Variants in RIN2 observed in about 807,000 individuals in gnomAD.
RIN2 encodes RAB5 interacting protein 2.
RIN2 carries 36 observed loss-of-function variants against 78.0 expected under a neutral mutation model. The ratio of observed to expected loss-of-function variants is 0.46; its 90% confidence interval spans 0.35 to 0.61. The LOEUF is 0.61. Among genes scored for constraint, RIN2 ranks in the 20% least tolerant of loss-of-function variants. The pLI, the probability that RIN2 is intolerant of heterozygous loss-of-function variation, is 0.00. For synonymous variants in RIN2, 466 were observed against 466.8 expected (o/e 1.00, Z 0.02); for missense variants, 1,087 against 1,159.7 (o/e 0.94, Z 0.91).
In RIN2 at chr20:19,847,373, T is replaced by A. The variant is rs1013513217; in HGVS notation, c.-36-42193T>A. Among the ~76,000 whole-genome samples, 4 of 152,198 alleles carry A rather than the reference T, an allele frequency of 2.6e-5. No individual in the cohort carries two copies. In the South Asian group the frequency reaches 6.2e-4, roughly 24 times the overall value. On this transcript the variant is annotated intron_variant, in intron 2 of 12. Coordinates refer to ENST00000255006, the MANE Select transcript of RIN2 (RefSeq NM_018993.4). ...CCTGAGATATGTTACTACTAAGTGT[T>A]GTAGGATTTCTCAGGGTGGTTTTGA...
chr20:19,972,348 G>C (rs1267339814), intron 8 of RIN2, among the ~76,000 whole-genome samples: 1 of 152,164 alleles, frequency 6.6e-6, no homozygotes, highest in South Asian at 2.1e-4. Flanking sequence ...TGGTCCACAG[G>C]CTTAGTGAGT....
intron 2 of RIN2, among the ~76,000 whole-genome samples, chr20:19,852,523 T>C (rs2037015076): frequency 6.6e-6 from 1 of 152,172 alleles, no homozygotes; most frequent in South Asian, 2.1e-4. Flanking sequence ...GAAGCATTGG[T>C]TGGGCGATCC....
At chr20:19,970,799 A>C (rs1388754406) in intron 7 of RIN2, 39 bp from the exon 8 acceptor site, 2 of 1,432,206 alleles carry the variant, frequency 1.4e-6, no homozygotes, top group African/African-American at 1.4e-5. Context: ...GAAAGCAGAC[A>C]TGTAATTACA....
intron 5 of RIN2, among the ~76,000 whole-genome samples, chr20:19,958,168 A>G (rs2041616378): frequency 6.6e-6 from 1 of 152,236 alleles, no homozygotes. Flanking sequence ...AGGTAGAACT[A>G]AGACGTCTGC....
At chr20:19,972,890 A>C (rs888252857) in intron 8 of RIN2, among the ~76,000 whole-genome samples, 2 of 152,246 alleles carry the variant, frequency 1.3e-5, no homozygotes, top group Non-Finnish European at 2.9e-5. Context: ...ACACAGGTTA[A>C]ATTGATTTTA....
chr20:19,865,512 T>C (rs12626054), intron 2 of RIN2, among the ~76,000 whole-genome samples: 39,401 of 129,324 alleles, frequency 0.3, 6,864 homozygotes, highest in African/African-American at 0.53. Flanking sequence ...TTGGCAACAG[T>C]GTCTTGCTCT....
chr20:19,788,603 A>G (rs984070850), intron 1 of RIN2, among the ~76,000 whole-genome samples: 2 of 66,914 alleles, frequency 3.0e-5, no homozygotes, highest in Non-Finnish European at 5.0e-5. Context: ...CTTTGTCTCG[A>G]AAAAAAAAAA....
chr20:19,973,942 T>G (rs1224475896), intron 8 of RIN2, among the ~76,000 whole-genome samples: 4 of 152,230 alleles, frequency 2.6e-5, no homozygotes, highest in African/African-American at 9.6e-5. Flanking sequence ...TCTGCACTAC[T>G]TCGCAGAGCA....
chr20:19,808,274 C>A (rs2035471489), intron 2 of RIN2, among the ~76,000 whole-genome samples: 1 of 152,234 alleles, frequency 6.6e-6, no homozygotes, highest in Non-Finnish European at 1.5e-5. Context: ...CAGGCCGCCC[C>A]TCTCCTCCCT....
intron 3 of RIN2, chr20:19,895,895 C>T (rs893874226): frequency 2.6e-5 from 4 of 152,206 alleles, no homozygotes; most frequent in African/African-American, 7.2e-5. Context: ...AGCTGAGTTC[C>T]CTCAACTATT....
chr20:19,952,350 G>A (rs970756883), intron 4 of RIN2, among the ~76,000 whole-genome samples: 2 of 152,308 alleles, frequency 1.3e-5, no homozygotes, highest in East Asian at 3.9e-4. Context: ...TAGAGGAGGG[G>A]CTCTAGGTGG....
At chr20:19,892,214 A>AT in intron 3 of RIN2, among the ~76,000 whole-genome samples, 1 of 152,162 alleles carries the variant, frequency 6.6e-6, no homozygotes, top group African/African-American at 2.4e-5. Flanking sequence ...TAATTCATTA[A>AT]TTAATTAATT....
At chr20:19,816,836 G>A (rs1415107566) in intron 2 of RIN2, among the ~76,000 whole-genome samples, 1 of 152,090 alleles carries the variant, frequency 6.6e-6, no homozygotes, top group Non-Finnish European at 1.5e-5. Context: ...AGAAGATTTA[G>A]AAAATTTGCA....
Position 19,975,869 on chromosome 20 carries a change from A to C in RIN2, c.1762+82A>C, listed in dbSNP as rs1295334784. 4 of 1,329,264 alleles carry C rather than the reference A, an allele frequency of 3.0e-6. No homozygotes were observed. The African/African-American group carries it at 4.4e-5, about 15-fold the overall frequency. The allele number at this position is 1,329,264 out of a possible 1,614,324, so 82.3% of individuals were successfully genotyped here. A position where few individuals can be genotyped will look rare whatever the true frequency, so the allele number is the denominator to read the frequency against. On this transcript the variant is annotated intron_variant, in intron 9 of 12. Coordinates refer to ENST00000255006, the MANE Select transcript of RIN2 (RefSeq NM_018993.4). This position sits in a 1 kb window ranked among gnomAD's most constrained non-coding sequence, Gnocchi z 4.9. ...AACCTATGTTTGTTATTTTTTATGA[A>C]GTTTACTCCGAAGTTCAAAACAACA...
chr20:19,762,903 A>G (rs1228538949), intron 1 of RIN2, among the ~76,000 whole-genome samples: 1 of 152,014 alleles, frequency 6.6e-6, no homozygotes, highest in Non-Finnish European at 1.5e-5. Flanking sequence ...AGCTGGGATT[A>G]CAGGTGCCCG....
At chr20:19,926,593 G>A (rs2040233808) in intron 3 of RIN2, among the ~76,000 whole-genome samples, 1 of 151,990 alleles carries the variant, frequency 6.6e-6, no homozygotes, top group South Asian at 2.1e-4. Flanking sequence ...GGAACTGTTT[G>A]GGTAATGCGG....
Position 19,889,574 on chromosome 20 carries a change from G to A in RIN2, c.-28G>A, listed in dbSNP as rs768939781. On this transcript the variant is annotated 5_prime_UTR_variant, in exon 3 of 13. Transcript: ENST00000255006. ...AATGTCTCTACCTTCAGGAGTCCCC[G>A]GCGTGCAGTGGAGCCTCGCTGGGGG... The A allele has an allele frequency of 8.4e-6, 13 of 1,548,574 alleles. No individual in the cohort carries two copies. The highest frequency in any genetic ancestry group is 5.9e-5 in the Admixed American group (3 of 50,804).
chr20:19,993,319 G>T (rs1370542252), intron 11 of RIN2, among the ~76,000 whole-genome samples: 1 of 151,846 alleles, frequency 6.6e-6, no homozygotes, highest in Non-Finnish European at 1.5e-5. Context: ...GAGTAGAAAG[G>T]TCCATCTCTG....
chr20:19,844,246 A>G (rs1401453254), intron 2 of RIN2, among the ~76,000 whole-genome samples: 1 of 152,278 alleles, frequency 6.6e-6, no homozygotes, highest in Admixed American at 6.5e-5. Context: ...TGTGAGGGAT[A>G]AAAAAACATC....
Sources: gnomAD v4.1 joint callset for allele counts (sites outside exome capture counted in the v4.1 genomes callset) on GRCh38, gnomAD v4.1.1 for gene constraint, Gnocchi (gnomAD v3.1) non-coding constraint, MANE v1.5 for transcripts, NCBI Gene and HGNC (gene_info 2026-07-23, HGNC 2026-07-21) for gene names.